The following EPHB4 variants were observed in gnomAD, a reference collection of about 807,000 sequenced individuals.
EPHB4 encodes ephrin type-B receptor 4.
Under a neutral mutation model 110.6 loss-of-function variants are expected in EPHB4, and 50 were observed. That is an observed-to-expected ratio of 0.45 (90% CI 0.36 to 0.57). The LOEUF (loss-of-function observed/expected upper bound fraction) is 0.57. EPHB4 is among the 20% of genes least tolerant of loss of function. The pLI, the probability that EPHB4 is intolerant of heterozygous loss-of-function variation, is 0.00. For missense variants in EPHB4, 1,128 were observed against 1,382.1 expected (o/e 0.82, Z 2.91); for synonymous variants, 592 against 578.4 (o/e 1.02, Z -0.34).
Position 100,803,422 on chromosome 7 carries a change from T to A in EPHB4, c.*39A>T. On this transcript the variant is annotated 3_prime_UTR_variant, in exon 17 of 17. Coordinates refer to ENST00000358173, the MANE Select transcript of EPHB4 (RefSeq NM_004444.5). Reference sequence around the variant, plus strand: ...TGAGTCCCCACTCTGCCCCGGAAAATGGGGAGGCGGTGTCCCTGGGGTGGG... The same window carrying A: ...TGAGTCCCCACTCTGCCCCGGAAAAAGGGGAGGCGGTGTCCCTGGGGTGGG... 2 of 1,489,082 alleles carry A rather than the reference T, an allele frequency of 1.3e-6. No homozygotes were observed. The highest frequency in any genetic ancestry group is 1.8e-6 in the Non-Finnish European group (2 of 1,104,864). The allele number at this position is 1,489,082 out of a possible 1,614,324, so 92.2% of individuals were successfully genotyped here.
rs918807315 is a variant in EPHB4, at chr7:100,812,903, C to T, written c.1962G>A (p.Thr654=). ...TCAGAAACTCACGCCGCTGCCGCTCCGTGTAGCCACCCTTCAGGGTCTTGA... is the reference window on the plus strand; with the variant it reads ...TCAGAAACTCACGCCGCTGCCGCTCTGTGTAGCCACCCTTCAGGGTCTTGA... ...VAIKTLKGGY[T]ERQRREFLSE... Residue 654 remains threonine, a synonymous_variant, in exon 12 of 17, where the codon ACG becomes ACA. Transcript: ENST00000358173. The T allele has an allele frequency of 6.2e-6, 10 of 1,614,248 alleles. No individual in the cohort carries two copies. The highest frequency in any genetic ancestry group is 2.2e-5 in the South Asian group (2 of 91,088).
chr7:100,806,641 C>A (rs988578770), intron 13 of EPHB4, 72 bp from the exon 14 acceptor site: 2 of 1,517,924 alleles, frequency 1.3e-6, no homozygotes, highest in Admixed American at 2.0e-5. Context: ...CACTGCCCCC[C>A]AGTCCCCCAC....
chr7:100,824,338 C>T, intron 1 of EPHB4, 65 bp from the exon 2 acceptor site: 1 of 1,554,772 alleles, frequency 6.4e-7, no homozygotes, highest in Non-Finnish European at 8.9e-7. Context: ...AAGACCAGAT[C>T]CCTGGGAACC....
chr7:100,817,249 A>G lies in EPHB4; in HGVS notation c.1531T>C (p.Ser511Pro). The G allele has an allele frequency of 6.2e-7, 1 of 1,605,830 alleles. No individual in the cohort carries two copies. Among genetic ancestry groups the G allele is most frequent in the Non-Finnish European group, 8.5e-7 (1 of 1,176,920 alleles). ...ASYLVQVRAR[S>P]EAGYGPFGQE... ...CCGAAGGGCCCGTAGCCGGCCTCAG[A>G]GCGCGCCCGTACCTGCACCAGGTAG... The change falls in exon 8 of 17, where the codon TCT becomes CCT. Residue 511 changes from serine to proline, a missense_variant. Ser to Pro is a moderately conservative substitution (Grantham distance 74). Coordinates refer to ENST00000358173, the MANE Select transcript of EPHB4 (RefSeq NM_004444.5).
At chr7:100,821,646 T>G (rs1261296163) in intron 4 of EPHB4, among the ~76,000 whole-genome samples, 12 of 150,512 alleles carry the variant, frequency 8.0e-5, no homozygotes, top group African/African-American at 1.5e-4. Flanking sequence ...AAAAAAAATT[T>G]TTTTTAGAGA....
At chr7:100,825,749 T>C (rs540092419) in intron 1 of EPHB4, among the ~76,000 whole-genome samples, 89 of 152,346 alleles carry the variant, frequency 5.8e-4, no homozygotes, top group African/African-American at 1.9e-3. Flanking sequence ...TTAATATTTG[T>C]AAGGCGCTCA....
chr7:100,813,897 C>G (rs781189257), intron 9 of EPHB4, 22 bp downstream of exon 9: 1 of 1,613,412 alleles, frequency 6.2e-7, no homozygotes, highest in Non-Finnish European at 8.5e-7. Flanking sequence ...TTCCAGGGGC[C>G]TCTGGGTGTC....
Position 100,818,602 on chromosome 7 carries a change from G to A in EPHB4, c.1340C>T (p.Pro447Leu), listed in dbSNP as rs774826264. ...AGCCCAGGCCAGGCTCAAGCTGCTGGGTGAGGACCGCGTCACCCGGATGTC... is the reference window on the plus strand; with the variant it reads ...AGCCCAGGCCAGGCTCAAGCTGCTGAGTGAGGACCGCGTCACCCGGATGTC... ...VSDIRVTRSS[P>L]SSLSLAWAVP... is the part of the protein sequence containing the mutation. The change falls in exon 7 of 17, where the codon CCC becomes CTC. Residue 447 changes from proline (P) to leucine (L), a missense_variant. Around this residue, in one of 3 missense-constraint regions of EPHB4, gnomAD observed 728 missense variants for 828.6 expected, o/e 0.88. Transcript: ENST00000358173. 4.3e-6 allele frequency: 7 copies of A among 1,613,192 alleles called. No homozygotes were observed. Among genetic ancestry groups the A allele is most frequent in the Non-Finnish European group, 5.9e-6 (7 of 1,180,006 alleles).
chr7:100,813,869 T>C (rs1584658941), intron 9 of EPHB4, 50 bp downstream of exon 9: 1 of 1,608,906 alleles, frequency 6.2e-7, no homozygotes, highest in South Asian at 1.1e-5. Flanking sequence ...CCCAGGCAGG[T>C]GGCCATCAAC....
At position 100,822,028 on chromosome 7, in the gene EPHB4, C is replaced by T. The variant is rs1002203751; in HGVS notation, c.808+243G>A. On this transcript the variant is annotated intron_variant, in intron 4 of 16. Transcript: ENST00000358173. The surrounding 1 kb of genome is among the most constrained non-coding windows in gnomAD (Gnocchi z 4.7). Reference sequence around the variant, plus strand: ...TACAAAAATTAGCCGGGCGTGGTGGCGTGTGCCTGTAGTCCCAGCTACTCA... The same window carrying T: ...TACAAAAATTAGCCGGGCGTGGTGGTGTGTGCCTGTAGTCCCAGCTACTCA... 6.6e-6 allele frequency among the ~76,000 whole-genome samples: 1 copy of T among 152,020 alleles called. No individual in the cohort carries two copies. Among genetic ancestry groups the T allele is most frequent in the Non-Finnish European group, 1.5e-5 (1 of 67,988 alleles).
chr7:100,822,729 T>C lies in EPHB4; in HGVS notation c.412-62A>G. 2 of 1,452,420 alleles carry C rather than the reference T, an allele frequency of 1.4e-6. No individual in the cohort carries two copies. Among genetic ancestry groups the C allele is most frequent in the Non-Finnish European group, 1.8e-6 (2 of 1,101,612 alleles). 90.0% of individuals were successfully genotyped at this position (1,452,420 alleles called of 1,614,324 possible). ...ACTCCCTGAGGACCCAGCGGACTGT[T>C]GTGTTCTTCCCAGCTCACCCTCCCG... On this transcript the variant is annotated intron_variant, in intron 3 of 16. Coordinates refer to ENST00000358173, the MANE Select transcript of EPHB4 (RefSeq NM_004444.5). This position sits in a 1 kb window ranked among gnomAD's most constrained non-coding sequence, Gnocchi z 4.7.
intron 8 of EPHB4, among the ~76,000 whole-genome samples, chr7:100,814,753 G>A (rs1218278224): frequency 6.6e-6 from 1 of 152,164 alleles, no homozygotes; most frequent in Non-Finnish European, 1.5e-5. Flanking sequence ...AGTGGCTCAT[G>A]CCTGTAATCC....
At position 100,805,057 on chromosome 7, in the gene EPHB4, A is replaced by G. The variant is rs931007709; in HGVS notation, c.2834+109T>C. 3 of 1,368,096 alleles carry G rather than the reference A, an allele frequency of 2.2e-6. No individual in the cohort carries two copies. In the African/African-American group the frequency reaches 4.4e-5, roughly 20 times the overall value. 84.7% of individuals were successfully genotyped at this position (1,368,096 alleles called of 1,614,324 possible). A position where few individuals can be genotyped will look rare whatever the true frequency, so the allele number is the denominator to read the frequency against. On this transcript the variant is annotated intron_variant, in intron 16 of 16. Coordinates refer to ENST00000358173, the MANE Select transcript of EPHB4 (RefSeq NM_004444.5). ...GGCATGGCATGAGCGCAGTGCAAGAAGACAGCATTGGCACCCGAAGCTGAC... is the reference window on the plus strand; with the variant it reads ...GGCATGGCATGAGCGCAGTGCAAGAGGACAGCATTGGCACCCGAAGCTGAC...
chr7:100,818,556 C>T lies in EPHB4; in HGVS notation c.1386G>A (p.Gly462=), dbSNP rs776463916. 8.1e-6 allele frequency: 13 copies of T among 1,614,052 alleles called. No individual in the cohort carries two copies. The East Asian group carries it at 2.9e-4, about 36-fold the overall frequency. The part of the protein sequence containing the change: ...LAWAVPRAPS[G]AVLDYEVKYH... ...ATTTGACCTCGTAGTCCAGCACAGC[C>T]CCACTGGGTGCCCGGGGAACAGCCC... Residue 462 remains glycine, a synonymous_variant, in exon 7 of 17, where the codon GGG becomes GGA. Coordinates refer to ENST00000358173, the MANE Select transcript of EPHB4 (RefSeq NM_004444.5).
intron 14 of EPHB4, 60 bp downstream of exon 14, chr7:100,806,360 C>G: frequency 6.4e-7 from 1 of 1,561,702 alleles, no homozygotes; most frequent in Non-Finnish European, 8.7e-7. Context: ...CCACCCTTCA[C>G]CCCAAATCCC....
Position 100,824,184 on chromosome 7 carries a change from T to C in EPHB4, c.123+19A>G. On this transcript the variant is annotated intron_variant, in intron 2 of 16. Transcript: ENST00000358173. ...CTCAGTTTCCCTCCAGAGCTCCAGC[T>C]CCTGGGTGCAGCTCTCACCTGCCCG... The C allele has an allele frequency of 1.9e-6, 3 of 1,614,012 alleles. No homozygotes were observed. The highest frequency in any genetic ancestry group is 2.5e-6 in the Non-Finnish European group (3 of 1,179,936).
chr7:100,818,487 C>T (rs1459190184), intron 7 of EPHB4, 33 bp downstream of exon 7: 1 of 1,608,926 alleles, frequency 6.2e-7, no homozygotes, highest in Non-Finnish European at 8.5e-7. Flanking sequence ...CAACCCATTG[C>T]CCACCCACCC....
chr7:100,806,332 T>C, intron 14 of EPHB4, 88 bp downstream of exon 14: 5 of 1,475,736 alleles, frequency 3.4e-6, no homozygotes, highest in Non-Finnish European at 4.6e-6. Flanking sequence ...AACCCAGCAG[T>C]GATGACTCTC....
At chr7:100,808,399 G>T (rs972501947) in intron 12 of EPHB4, among the ~76,000 whole-genome samples, 8 of 151,910 alleles carry the variant, frequency 5.3e-5, no homozygotes, top group Admixed American at 1.3e-4. Context: ...AAACAAAGGG[G>T]TTTTTTTGGT....
Sources: gnomAD v4.1 joint callset for allele counts (sites outside exome capture counted in the v4.1 genomes callset) on GRCh38, gnomAD v4.1.1 for gene constraint, gnomAD v4.1.1 regional missense constraint, Gnocchi (gnomAD v3.1) non-coding constraint, MANE v1.5 for transcripts, NCBI Gene and HGNC (gene_info 2026-07-23, HGNC 2026-07-21) for gene names.